CASZ1: variants seen among roughly 807,000 people sequenced by gnomAD.
The protein encoded by CASZ1 is castor zinc finger 1, also known as zinc finger protein castor homolog 1.
A neutral mutation model predicts 135.2 loss-of-function variants in CASZ1; 28 were observed. That is an observed-to-expected ratio of 0.21 (90% CI 0.15 to 0.28). The LOEUF (loss-of-function observed/expected upper bound fraction) is 0.28. Among genes scored for constraint, CASZ1 ranks in the 10% least tolerant of loss-of-function variants. The pLI is 1.00. For missense variants in CASZ1, 2,161 were observed against 2,453.3 expected, an observed-to-expected ratio of 0.88 and a Z score of 2.52; for synonymous variants, 1,068 against 1,073.4, an observed-to-expected ratio of 0.99 and a Z score of 0.10.
rs1450294562 is a variant in CASZ1, at chr1:10,727,367, T to C, written c.-76-21823A>G. On this transcript the variant is annotated intron_variant, in intron 2 of 20. Coordinates refer to ENST00000377022, the MANE Select transcript of CASZ1 (RefSeq NM_001079843.3). This position sits in a 1 kb window ranked among gnomAD's most constrained non-coding sequence, Gnocchi z 5.3. ...CATGTGTGCTATTCTGGGTACCAGG[T>C]TTGCACAAGGCCTTTTAAGTCCAGA... 6.6e-6 allele frequency among the ~76,000 whole-genome samples: 1 copy of C among 151,704 alleles called. No individual in the cohort carries two copies. The highest frequency in any genetic ancestry group is 1.9e-4 in the East Asian group (1 of 5,164).
At chr1:10,640,170 T>G in intron 20 of CASZ1, 111 bp from the exon 21 acceptor site, 1 of 1,470,210 alleles carries the variant, frequency 6.8e-7, no homozygotes, top group Non-Finnish European at 9.1e-7. Flanking sequence ...GGGCGGCATT[T>G]AGGGAGCCCT....
chr1:10,718,846 G>A (rs1384753663), intron 2 of CASZ1, among the ~76,000 whole-genome samples: 1 of 152,182 alleles, frequency 6.6e-6, no homozygotes, highest in Non-Finnish European at 1.5e-5. Context: ...CCCACAAGAG[G>A]AATTACTGCC....
intron 4 of CASZ1, among the ~76,000 whole-genome samples, chr1:10,682,474 G>A (rs1638456980): frequency 6.6e-6 from 1 of 152,158 alleles, no homozygotes; most frequent in South Asian, 2.1e-4. Context: ...ATACCGAGAG[G>A]GGAAGTAGAG....
intron 1 of CASZ1, among the ~76,000 whole-genome samples, chr1:10,789,120 A>G (rs916466546): frequency 3.3e-5 from 5 of 152,062 alleles, no homozygotes; most frequent in Admixed American, 6.5e-5. Context: ...GTTTGGGGAC[A>G]TGGCGCCCAG....
intron 20 of CASZ1, 88 bp from the exon 21 acceptor site, chr1:10,640,147 G>C (rs1465673896): frequency 7.3e-6 from 11 of 1,513,016 alleles, no homozygotes; most frequent in African/African-American, 1.4e-5. Flanking sequence ...CCCTGATCTG[G>C]CATGGCGCCA....
chr1:10,685,708 C>T (rs1367944429), intron 4 of CASZ1, among the ~76,000 whole-genome samples: 6 of 152,220 alleles, frequency 3.9e-5, no homozygotes, highest in African/African-American at 9.6e-5. Flanking sequence ...GCAATTGCCA[C>T]GCCTGCCTGA....
intron 4 of CASZ1, among the ~76,000 whole-genome samples, chr1:10,681,568 C>A (rs893203032): frequency 2.0e-5 from 3 of 152,232 alleles, no homozygotes; most frequent in Non-Finnish European, 4.4e-5. Flanking sequence ...CCTCACTGCA[C>A]CCTGTCCTAG....
At position 10,698,375 on chromosome 1, in the gene CASZ1, T is replaced by C. The variant is rs191491960; in HGVS notation, c.-23-4463A>G. On this transcript the variant is annotated intron_variant, in intron 3 of 20. Transcript: ENST00000377022. Reference sequence around the variant, plus strand: ...CCACACAGCACATTTCCCATTTTTTTCCCATAAATACCGATGCCAGGGGTC... The same window carrying C: ...CCACACAGCACATTTCCCATTTTTTCCCCATAAATACCGATGCCAGGGGTC... Among the ~76,000 whole-genome samples the C allele has an allele frequency of 1.1e-3, 166 of 152,302 alleles. 1 individual carries two copies. The highest frequency in any genetic ancestry group is 5.3e-4 in the Non-Finnish European group (36 of 68,024).
rs1428568110 is a variant in CASZ1, at chr1:10,700,020, G to C, written c.-24+5472C>G. Among the ~76,000 whole-genome samples the C allele has an allele frequency of 6.6e-6, 1 of 151,474 alleles. No individual in the cohort carries two copies. Among genetic ancestry groups the C allele is most frequent in the Admixed American group, 6.6e-5 (1 of 15,226 alleles). On this transcript the variant is annotated intron_variant, in intron 3 of 20. Transcript: ENST00000377022. This position sits in a 1 kb window ranked among gnomAD's most constrained non-coding sequence, Gnocchi z 4.2. ...AGAGAGAGAGAGAAACAGAGACAGA[G>C]AAAGAGAGAGAGAGACAGAGAGAGA...
At position 10,725,122 on chromosome 1, in the gene CASZ1, G is replaced by A. The variant is rs1639573732; in HGVS notation, c.-76-19578C>T. On this transcript the variant is annotated intron_variant, in intron 2 of 20. Transcript: ENST00000377022. The surrounding 1 kb of genome is among the most constrained non-coding windows in gnomAD (Gnocchi z 4.4). Reference sequence around the variant, plus strand: ...GAGGGGGCTTGGGCTCCCCTCGGTGGGGGTAGGATTCCCTAGTTGGCCAGG... The same window carrying A: ...GAGGGGGCTTGGGCTCCCCTCGGTGAGGGTAGGATTCCCTAGTTGGCCAGG... 6.6e-6 allele frequency among the ~76,000 whole-genome samples: 1 copy of A among 152,192 alleles called. No individual in the cohort carries two copies. Among genetic ancestry groups the A allele is most frequent in the Non-Finnish European group, 1.5e-5 (1 of 68,024 alleles).
chr1:10,646,591 G>A lies in CASZ1; in HGVS notation c.3498-265C>T, dbSNP rs960487540. Among the ~76,000 whole-genome samples, 2 of 152,250 alleles carry A rather than the reference G, an allele frequency of 1.3e-5. No homozygotes were observed. Among genetic ancestry groups the A allele is most frequent in the East Asian group, 3.8e-4 (2 of 5,200 alleles). On this transcript the variant is annotated intron_variant, in intron 16 of 20. Transcript: ENST00000377022. The surrounding 1 kb of genome is among the most constrained non-coding windows in gnomAD (Gnocchi z 6.4). ...CCCAGAGCATTGCATGCTGGGACAA[G>A]TAGTTTCCATGGCCACACCTCAGGA... is the stretch of plus-strand genomic sequence containing the variant.
At chr1:10,787,360 C>A (rs1640876459) in intron 1 of CASZ1, among the ~76,000 whole-genome samples, 1 of 152,200 alleles carries the variant, frequency 6.6e-6, no homozygotes, top group Admixed American at 6.5e-5. Context: ...GTGTCTCACC[C>A]CGTCCCCCGA....
At position 10,694,309 on chromosome 1, in the gene CASZ1, G is replaced by A; in HGVS notation, c.-23-397C>T. 8.6e-7 allele frequency: 1 copy of A among 1,157,124 alleles called. No individual in the cohort carries two copies. 71.7% of individuals were successfully genotyped at this position (1,157,124 alleles called of 1,614,324 possible). A position where few individuals can be genotyped will look rare whatever the true frequency, so the allele number is the denominator to read the frequency against. ...GCCCGGTACTCACCATAGTCGGAGA[G>A]TCGAAAGCCGAATTCACTTAAATAA... On this transcript the variant is annotated intron_variant, in intron 3 of 20. Coordinates refer to ENST00000377022, the MANE Select transcript of CASZ1 (RefSeq NM_001079843.3). The surrounding 1 kb of genome is among the most constrained non-coding windows in gnomAD (Gnocchi z 6.6).
rs1642846633 is a variant in CASZ1 at position 10,657,579 on chromosome 1, C to T, written c.1410-843G>A. Among the ~76,000 whole-genome samples the T allele has an allele frequency of 6.6e-6, 1 of 152,112 alleles. No homozygotes were observed. Among genetic ancestry groups the T allele is most frequent in the Non-Finnish European group, 1.5e-5 (1 of 68,026 alleles). ...ACTAATAATAATGGTAATAATAATACCACAGAGGAGACAGCACGGGGCAGA... is the reference window on the plus strand; with the variant it reads ...ACTAATAATAATGGTAATAATAATATCACAGAGGAGACAGCACGGGGCAGA... On this transcript the variant is annotated intron_variant, in intron 7 of 20. Coordinates refer to ENST00000377022, the MANE Select transcript of CASZ1 (RefSeq NM_001079843.3). The surrounding 1 kb of genome is among the most constrained non-coding windows in gnomAD (Gnocchi z 5.7).
At position 10,741,697 on chromosome 1, in the gene CASZ1, T is replaced by C. The variant is rs1410252926; in HGVS notation, c.-77+19004A>G. Among the ~76,000 whole-genome samples, 1 of 152,090 alleles carries C rather than the reference T, an allele frequency of 6.6e-6. No homozygotes were observed. The highest frequency in any genetic ancestry group is 1.5e-5 in the Non-Finnish European group (1 of 68,036). On this transcript the variant is annotated intron_variant, in intron 2 of 20. Transcript: ENST00000377022. The surrounding 1 kb of genome is among the most constrained non-coding windows in gnomAD (Gnocchi z 5.0). ...TCAAACCAGTTTTATTGGATATAAA[T>C]ATCTAATTATTCCTACTAGGCCCTG...
chr1:10,769,894 G>A (rs1250107598), intron 1 of CASZ1, among the ~76,000 whole-genome samples: 1 of 148,762 alleles, frequency 6.7e-6, no homozygotes, highest in African/African-American at 2.5e-5. Context: ...CTAAATCAAG[G>A]ACCAGCCTGC....
intron 2 of CASZ1, among the ~76,000 whole-genome samples, chr1:10,708,473 A>C (rs1239845399): frequency 6.6e-6 from 1 of 152,196 alleles, no homozygotes; most frequent in Non-Finnish European, 1.5e-5. Context: ...AAGAAAAACA[A>C]AAGTACAGAG....
At chr1:10,641,562 C>T (rs1013842118) in intron 20 of CASZ1, among the ~76,000 whole-genome samples, 2 of 152,188 alleles carry the variant, frequency 1.3e-5, no homozygotes, top group Non-Finnish European at 1.5e-5. Context: ...CAGCTTTGGG[C>T]GTGGCCCGGG....
chr1:10,771,672 C>CTCCTCT (rs1640579913), intron 1 of CASZ1, among the ~76,000 whole-genome samples: 1 of 152,072 alleles, frequency 6.6e-6, no homozygotes, highest in Non-Finnish European at 1.5e-5. Flanking sequence ...CCTCCTCCTC[C>CTCCTCT]TCCTCCTCCT....
Sources: gnomAD v4.1 joint callset for allele counts (sites outside exome capture counted in the v4.1 genomes callset) on GRCh38, gnomAD v4.1.1 for gene constraint, Gnocchi (gnomAD v3.1) non-coding constraint, MANE v1.5 for transcripts, NCBI Gene and HGNC (gene_info 2026-07-23, HGNC 2026-07-21) for gene names.